BCL2: variants seen among roughly 807,000 people sequenced by gnomAD.
BCL2 encodes apoptosis regulator Bcl-2.
Under a neutral mutation model 14.2 loss-of-function variants are expected in BCL2, and 1 was observed. That is an observed-to-expected ratio of 0.07 (90% CI 0.02 to 0.33). BCL2 has a LOEUF of 0.33. Among genes scored for constraint, BCL2 ranks in the 10% least tolerant of loss-of-function variants. BCL2 has a pLI of 0.99. For synonymous variants in BCL2, 151 were observed against 137.2 expected (o/e 1.10, Z -0.70); for missense variants, 247 against 305.9 (o/e 0.81, Z 1.44).
At chr18:63,236,961 C>A (rs1910854017) in intron 2 of BCL2, among the ~76,000 whole-genome samples, 1 of 152,092 alleles carries the variant, frequency 6.6e-6, no homozygotes, top group Admixed American at 6.5e-5. Context: ...CTTTTCTTTT[C>A]TTTTAAAATC....
At chr18:63,204,256 A>C (rs1909775704) in intron 2 of BCL2, among the ~76,000 whole-genome samples, 1 of 152,260 alleles carries the variant, frequency 6.6e-6, no homozygotes, top group South Asian at 2.1e-4. Flanking sequence ...AAATAGTTAC[A>C]TAATGACATC....
intron 2 of BCL2, among the ~76,000 whole-genome samples, chr18:63,291,726 C>CT (rs11426842): frequency 0.56 from 82,305 of 146,030 alleles, 24,247 homozygotes; most frequent in African/African-American, 0.76. Flanking sequence ...ATGAGTATTT[C>CT]TTTTTTTTTT....
chr18:63,209,359 G>A (rs1055821511), intron 2 of BCL2, among the ~76,000 whole-genome samples: 11 of 152,136 alleles, frequency 7.2e-5, no homozygotes, highest in Non-Finnish European at 1.0e-4. Flanking sequence ...TTCTAGGAAC[G>A]CCATGAGGAC....
At chr18:63,144,931 C>A (rs1914469254) in intron 2 of BCL2, among the ~76,000 whole-genome samples, 1 of 152,232 alleles carries the variant, frequency 6.6e-6, no homozygotes, top group South Asian at 2.1e-4. Flanking sequence ...ACGTGTGCGG[C>A]ACACTCTGGA....
chr18:63,219,284 G>A (rs1910313070), intron 2 of BCL2, among the ~76,000 whole-genome samples: 1 of 152,004 alleles, frequency 6.6e-6, no homozygotes, highest in Non-Finnish European at 1.5e-5. Flanking sequence ...CCTAGCTCAA[G>A]TGCTACCTCA....
intron 2 of BCL2, chr18:63,317,734 G>T: frequency 8.8e-7 from 1 of 1,130,292 alleles, no homozygotes. Flanking sequence ...GTTCCAACAA[G>T]CTGCTCAAGC....
chr18:63,203,319 T>C (rs1448671852), intron 2 of BCL2, among the ~76,000 whole-genome samples: 1 of 152,196 alleles, frequency 6.6e-6, no homozygotes, highest in Non-Finnish European at 1.5e-5. Context: ...GAGGCTATGA[T>C]CAGGAGATGG....
At position 63,318,491 on chromosome 18, in the gene BCL2, G is replaced by T. The variant is rs1192476761; in HGVS notation, c.176C>A (p.Pro59Gln). Residue 59 changes from proline (P) to glutamine (Q), a missense_variant, in exon 2 of 3, where the codon CCA (proline) becomes CAA (glutamine). Around this residue, in one of 3 missense-constraint regions of BCL2, gnomAD observed 144 missense variants for 135.3 expected, o/e 1.06. Transcript: ENST00000333681. The surrounding 1 kb of genome is among the most constrained non-coding windows in gnomAD (Gnocchi z 7.4). ...FSSQPGHTPH[P>Q]AASRDPVART... ...GGCGACCGGGTCCCGGGATGCGGCTGGATGGGGCGTGTGCCCGGGCTGGGA... is the reference window on the plus strand; with the variant it reads ...GGCGACCGGGTCCCGGGATGCGGCTTGATGGGGCGTGTGCCCGGGCTGGGA... 1 of 1,518,678 alleles carries T rather than the reference G, an allele frequency of 6.6e-7. No individual in the cohort carries two copies. Among genetic ancestry groups the T allele is most frequent in the Non-Finnish European group, 8.7e-7 (1 of 1,143,348 alleles). The allele number at this position is 1,518,678 out of a possible 1,614,324, so 94.1% of individuals were successfully genotyped here. A position where few individuals can be genotyped will look rare whatever the true frequency, so the allele number is the denominator to read the frequency against.
At position 63,126,494 on chromosome 18, in the gene BCL2, A is replaced by C. The variant is rs1473642594; in HGVS notation, c.*2131T>G. Reference sequence around the variant, plus strand: ...ATGCATGTAATCCTGAATACCATGAATTAAATGCGGAATTGCCCAGGGACG... The same window carrying C: ...ATGCATGTAATCCTGAATACCATGACTTAAATGCGGAATTGCCCAGGGACG... On this transcript the variant is annotated 3_prime_UTR_variant, in exon 3 of 3. Coordinates refer to ENST00000333681, the MANE Select transcript of BCL2 (RefSeq NM_000633.3). The C allele has an allele frequency of 4.4e-6, 1 of 228,540 alleles. No individual in the cohort carries two copies. The highest frequency in any genetic ancestry group is 6.2e-5 in the East Asian group (1 of 16,060). The allele number at this position is 228,540 out of a possible 1,614,324, so 14.2% of individuals were successfully genotyped here.
At chr18:63,223,451 G>T (rs934328209) in intron 2 of BCL2, among the ~76,000 whole-genome samples, 1 of 151,988 alleles carries the variant, frequency 6.6e-6, no homozygotes, top group Non-Finnish European at 1.5e-5. Context: ...TTAAGAATCA[G>T]TTAGATCCCT....
chr18:63,141,991 G>C (rs935942829), intron 2 of BCL2, among the ~76,000 whole-genome samples: 1 of 152,260 alleles, frequency 6.6e-6, no homozygotes, highest in Admixed American at 6.5e-5. Context: ...GAAAGCAGAT[G>C]CTTGTTAAGT....
At chr18:63,314,524 A>G (rs1913434867) in intron 2 of BCL2, 1 of 152,198 alleles carries the variant, frequency 6.6e-6, no homozygotes, top group African/African-American at 2.4e-5. Flanking sequence ...AATAAAGCCA[A>G]TCTCCTACAA....
intron 2 of BCL2, among the ~76,000 whole-genome samples, chr18:63,182,501 C>T (rs572303628): frequency 6.6e-6 from 1 of 152,342 alleles, no homozygotes; most frequent in East Asian, 1.9e-4. Flanking sequence ...CTGGCCTCTG[C>T]AGAGAAGGGA....
At chr18:63,309,741 G>T (rs943161818) in intron 2 of BCL2, among the ~76,000 whole-genome samples, 1 of 152,098 alleles carries the variant, frequency 6.6e-6, no homozygotes, top group Non-Finnish European at 1.5e-5. Flanking sequence ...TAACCTCAGG[G>T]GATTGGCTCT....
chr18:63,186,878 G>A (rs1915604648), intron 2 of BCL2, among the ~76,000 whole-genome samples: 1 of 152,182 alleles, frequency 6.6e-6, no homozygotes, highest in Non-Finnish European at 1.5e-5. Flanking sequence ...AAAGAGAAAT[G>A]AAGAAAGAAT....
intron 2 of BCL2, among the ~76,000 whole-genome samples, chr18:63,172,735 C>T (rs762645457): frequency 1.3e-5 from 2 of 152,096 alleles, no homozygotes; most frequent in Non-Finnish European, 2.9e-5. Flanking sequence ...GAGCCGAGAT[C>T]GTGCCACTGC....
chr18:63,294,167 G>T (rs953786720), intron 2 of BCL2, among the ~76,000 whole-genome samples: 23 of 151,992 alleles, frequency 1.5e-4, no homozygotes, highest in Non-Finnish European at 1.8e-4. Flanking sequence ...GTTGTCCAGG[G>T]CAGCTCTGCC....
rs371452924 is a variant in BCL2, at chr18:63,127,168, G to T, written c.*1457C>A. Reference sequence around the variant, plus strand: ...TTTTACATGTAATTCCATAGACAGGGGTCAATTAATCCATGACACCTCACT... The same window carrying T: ...TTTTACATGTAATTCCATAGACAGGTGTCAATTAATCCATGACACCTCACT... On this transcript the variant is annotated 3_prime_UTR_variant, in exon 3 of 3. Transcript: ENST00000333681. 4 of 229,386 alleles carry T rather than the reference G, an allele frequency of 1.7e-5. No homozygotes were observed. Among genetic ancestry groups the T allele is most frequent in the African/African-American group, 4.4e-5 (2 of 44,978 alleles). 14.2% of individuals were successfully genotyped at this position (229,386 alleles called of 1,614,324 possible).
chr18:63,318,765 T>G lies in BCL2; in HGVS notation c.-99A>C. 6.5e-7 allele frequency: 1 copy of G among 1,542,370 alleles called. No individual in the cohort carries two copies. Among genetic ancestry groups the G allele is most frequent in the Non-Finnish European group, 8.7e-7 (1 of 1,147,194 alleles). ...AGAAGAGGAGTTATAATCCAGCTAT[T>G]TTATTGGATGTGCTTTGCATTCTTG... is the stretch of plus-strand genomic sequence containing the variant. On this transcript the variant is annotated 5_prime_UTR_variant, in exon 2 of 3. Coordinates refer to ENST00000333681, the MANE Select transcript of BCL2 (RefSeq NM_000633.3). This position sits in a 1 kb window ranked among gnomAD's most constrained non-coding sequence, Gnocchi z 7.4.
Sources: gnomAD v4.1 joint callset for allele counts (sites outside exome capture counted in the v4.1 genomes callset) on GRCh38, gnomAD v4.1.1 for gene constraint, gnomAD v4.1.1 regional missense constraint, Gnocchi (gnomAD v3.1) non-coding constraint, MANE v1.5 for transcripts, NCBI Gene and HGNC (gene_info 2026-07-23, HGNC 2026-07-21) for gene names.